The following STXBP5L variants were observed in gnomAD, a reference collection of about 807,000 sequenced individuals.
STXBP5L encodes syntaxin binding protein 5L, also known as syntaxin-binding protein 5-like.
A neutral mutation model predicts 144.5 loss-of-function variants in STXBP5L; 65 were observed. The ratio of observed to expected loss-of-function variants is 0.45; its 90% CI spans 0.37 to 0.55. The LOEUF (loss-of-function observed/expected upper bound fraction) is 0.55, where lower values mean the gene tolerates loss of function less well. Among genes scored for constraint, STXBP5L ranks in the 20% least tolerant of loss-of-function variants. The probability of loss-of-function intolerance (pLI) is 0.00; values close to 1 mark genes in which losing one functional copy is unlikely to be tolerated. For synonymous variants in STXBP5L, 505 were observed against 469.6 expected, an observed-to-expected ratio of 1.08 and a Z score of -0.97; for missense variants, 1,298 against 1,405.5, an observed-to-expected ratio of 0.92 and a Z score of 1.22.
chr3:121,406,091 G>C (rs2046988288), intron 22 of STXBP5L, among the ~76,000 whole-genome samples: 1 of 152,068 alleles, frequency 6.6e-6, no homozygotes, highest in South Asian at 2.1e-4. Flanking sequence ...AGAGCTGTTG[G>C]CATTTTTCCT....
At chr3:121,285,446 C>G (rs934365220) in intron 19 of STXBP5L, among the ~76,000 whole-genome samples, 1 of 151,980 alleles carries the variant, frequency 6.6e-6, no homozygotes, top group Non-Finnish European at 1.5e-5. Context: ...ATTTTATAAT[C>G]AGAAAACACC....
chr3:121,035,284 C>T (rs1946674292), intron 3 of STXBP5L, among the ~76,000 whole-genome samples: 3 of 152,102 alleles, frequency 2.0e-5, no homozygotes, highest in Non-Finnish European at 4.4e-5. Flanking sequence ...AATCCTTTGC[C>T]TAGGCCAATG....
At chr3:121,280,736 A>G (rs2051030386) in intron 19 of STXBP5L, among the ~76,000 whole-genome samples, 1 of 151,862 alleles carries the variant, frequency 6.6e-6, no homozygotes, top group African/African-American at 2.4e-5. Context: ...TTGCAGATGA[A>G]AATGCTTCTA....
rs951015710 is a variant in STXBP5L at position 121,250,871 on chromosome 3, C to T, written c.1441+108C>T. 6.7e-6 allele frequency: 6 copies of T among 894,138 alleles called. No homozygotes were observed. The African/African-American group carries it at 1.0e-4, about 15-fold the overall frequency. The allele number at this position is 894,138 out of a possible 1,614,324, so 55.4% of individuals were successfully genotyped here. A position where few individuals can be genotyped will look rare whatever the true frequency, so the allele number is the denominator to read the frequency against. On this transcript the variant is annotated intron_variant, in intron 15 of 26. Coordinates refer to ENST00000471454, the MANE Select transcript of STXBP5L (RefSeq NM_001308330.2). The stretch of plus-strand genomic sequence containing the variant: ...TAAAATTTCAGATATATTTTTAGCA[C>T]ACATATGTGGCTGTGTTACAAAAAT...
chr3:121,033,586 A>AG (rs397990941), intron 3 of STXBP5L, among the ~76,000 whole-genome samples: 1 of 149,428 alleles, frequency 6.7e-6, no homozygotes, highest in Non-Finnish European at 1.5e-5. Context: ...AAAAAAAAAA[A>AG]CATTAAAAAA....
At chr3:121,150,812 G>T (rs1392194648) in intron 7 of STXBP5L, among the ~76,000 whole-genome samples, 1 of 152,044 alleles carries the variant, frequency 6.6e-6, no homozygotes, top group Non-Finnish European at 1.5e-5. Flanking sequence ...TATTGGCTGG[G>T]CATGGTGACT....
At chr3:121,361,132 A>G (rs1040792845) in intron 20 of STXBP5L, among the ~76,000 whole-genome samples, 1 of 152,110 alleles carries the variant, frequency 6.6e-6, no homozygotes, top group African/African-American at 2.4e-5. Context: ...CTATCCTGTA[A>G]AGTTTCCACT....
intron 20 of STXBP5L, among the ~76,000 whole-genome samples, chr3:121,325,688 A>C (rs1381666984): frequency 6.6e-6 from 1 of 152,062 alleles, no homozygotes; most frequent in Non-Finnish European, 1.5e-5. Flanking sequence ...ACAGTTCATA[A>C]ATCAACAACA....
intron 3 of STXBP5L, among the ~76,000 whole-genome samples, chr3:120,991,383 G>A (rs1396575666): frequency 3.3e-5 from 5 of 151,686 alleles, no homozygotes; most frequent in African/African-American, 7.3e-5. Context: ...AGTGGTGGTG[G>A]GACTGTAAAC....
At chr3:121,190,312 G>A (rs1795391) in intron 9 of STXBP5L, among the ~76,000 whole-genome samples, 82,572 of 151,908 alleles carry the variant, frequency 0.54, 22,869 homozygotes, top group East Asian at 0.73. Flanking sequence ...ATCTTGCACC[G>A]CCCTTAATCC....
intron 17 of STXBP5L, among the ~76,000 whole-genome samples, chr3:121,257,996 G>A (rs1479364763): frequency 2.0e-5 from 3 of 152,056 alleles, no homozygotes; most frequent in South Asian, 4.1e-4. Context: ...GAATCAAAAA[G>A]AAAACCAAGT....
At position 121,077,747 on chromosome 3, in the gene STXBP5L, G is replaced by A. The variant is rs574545495; in HGVS notation, c.470+32212G>A. ...TGAGCTAGACACAAAGGTTCTCCAC[G>A]TCCCCACTAGATTAGCTAGATACAG... On this transcript the variant is annotated intron_variant, in intron 5 of 26. Coordinates refer to ENST00000471454, the MANE Select transcript of STXBP5L (RefSeq NM_001308330.2). 1.4e-4 allele frequency among the ~76,000 whole-genome samples: 21 copies of A among 152,206 alleles called. No individual in the cohort carries two copies. In the South Asian group the frequency reaches 3.7e-3, roughly 27 times the overall value.
intron 3 of STXBP5L, among the ~76,000 whole-genome samples, chr3:121,037,210 G>A (rs1795421): frequency 0.21 from 32,274 of 151,204 alleles, 3,662 homozygotes; most frequent in Non-Finnish European, 0.26. Context: ...TGGGATTCCA[G>A]AAGTGAGCCA....
intron 5 of STXBP5L, among the ~76,000 whole-genome samples, chr3:121,049,105 G>T (rs777971325): frequency 6.6e-6 from 1 of 152,058 alleles, no homozygotes; most frequent in Non-Finnish European, 1.5e-5. Flanking sequence ...AGAGACCCCG[G>T]TAGGGAGACA....
chr3:121,407,657 A>C, intron 23 of STXBP5L, 54 bp downstream of exon 23: 1 of 1,603,106 alleles, frequency 6.2e-7, no homozygotes, highest in Non-Finnish European at 8.5e-7. Flanking sequence ...AGCAAGGTAC[A>C]ATCCTAAAAA....
intron 20 of STXBP5L, among the ~76,000 whole-genome samples, chr3:121,352,168 A>C (rs1576258022): frequency 6.6e-6 from 1 of 152,040 alleles, no homozygotes; most frequent in African/African-American, 2.4e-5. Flanking sequence ...GCAATGCAGG[A>C]TCTTTTTTCG....
At chr3:121,010,108 C>T (rs955855007) in intron 3 of STXBP5L, among the ~76,000 whole-genome samples, 2 of 151,854 alleles carry the variant, frequency 1.3e-5, no homozygotes, top group African/African-American at 4.8e-5. Flanking sequence ...TTTTGGAGAA[C>T]TCAGACCTAT....
chr3:121,345,348 T>G (rs566071731), intron 20 of STXBP5L, among the ~76,000 whole-genome samples: 1 of 152,308 alleles, frequency 6.6e-6, no homozygotes, highest in African/African-American at 2.4e-5. Flanking sequence ...CTCATCCTTT[T>G]TATGACTGCA....
chr3:121,161,466 T>C (rs1480108730), intron 9 of STXBP5L, among the ~76,000 whole-genome samples: 1 of 151,862 alleles, frequency 6.6e-6, no homozygotes, highest in East Asian at 1.9e-4. Context: ...TTTTGCGGGG[T>C]ATCTTTTATT....
Sources: gnomAD v4.1 joint callset for allele counts (sites outside exome capture counted in the v4.1 genomes callset) on GRCh38, gnomAD v4.1.1 for gene constraint, MANE v1.5 for transcripts, NCBI Gene and HGNC (gene_info 2026-07-23, HGNC 2026-07-21) for gene names.